PRC1: variants seen among roughly 807,000 people sequenced by gnomAD.
PRC1 encodes the protein protein regulator of cytokinesis 1, also known as anaphase spindle elongation 1 homolog.
In PRC1, 54 loss-of-function variants were observed where a neutral mutation model predicts 91.2. That is an observed-to-expected ratio of 0.59 (90% CI 0.48 to 0.74). PRC1 has a LOEUF of 0.74. Ranked by LOEUF, PRC1 falls within the 30% of genes least tolerant of loss-of-function variation. The pLI is 0.00. For missense variants in PRC1, 727 were observed against 746.2 expected (o/e 0.97, Z 0.30); for synonymous variants, 275 against 263.6 (o/e 1.04, Z -0.42).
chr15:90,988,568 C>G (rs17692742), intron 1 of PRC1: 17,319 of 152,264 alleles, frequency 0.11, 1,595 homozygotes, highest in East Asian at 0.47. Context: ...CTCTGGCCAG[C>G]TGAACTTCCC....
intron 1 of PRC1, among the ~76,000 whole-genome samples, chr15:90,992,622 C>T (rs74037603): frequency 2.6e-5 from 4 of 151,902 alleles, no homozygotes; most frequent in African/African-American, 9.7e-5. Flanking sequence ...TGCTTCAGAG[C>T]AATCATTATG....
At chr15:90,969,668 C>G (rs747841504) in intron 12 of PRC1, 45 bp from the exon 13 acceptor site, 2 of 1,531,288 alleles carry the variant, frequency 1.3e-6, no homozygotes, top group Non-Finnish European at 1.8e-6. Flanking sequence ...TTCTAATGAA[C>G]GTGCACACGC....
At chr15:90,970,282 T>C (rs1254476471) in intron 12 of PRC1, 122 bp downstream of exon 12, 4 of 734,498 alleles carry the variant, frequency 5.4e-6, no homozygotes, top group Non-Finnish European at 9.4e-6. Flanking sequence ...ATCTGTCAAC[T>C]CTCAGCATCT....
At position 90,984,210 on chromosome 15, in the gene PRC1, C is replaced by T; in HGVS notation, c.145-70G>A. ...AAAAACTCCCAACACCAATACCAAA[C>T]TCCTCAAATTTCTTTTTTCTTTTTC... On this transcript the variant is annotated intron_variant, in intron 2 of 14. Coordinates refer to ENST00000394249, the MANE Select transcript of PRC1 (RefSeq NM_003981.4). This position sits in a 1 kb window ranked among gnomAD's most constrained non-coding sequence, Gnocchi z 5.1. The T allele has an allele frequency of 6.4e-7, 1 of 1,555,818 alleles. No homozygotes were observed. Among genetic ancestry groups the T allele is most frequent in the South Asian group, 1.2e-5 (1 of 85,974 alleles).
chr15:90,985,590 G>A (rs912697726), intron 1 of PRC1, among the ~76,000 whole-genome samples: 2 of 146,098 alleles, frequency 1.4e-5, no homozygotes, highest in East Asian at 2.0e-4. Context: ...ACAGAGTCTC[G>A]CTCCGTTGCC....
rs752823537 is a variant in PRC1, at chr15:90,969,608, T to C, written c.1588A>G (p.Thr530Ala). ...CGGGGTGTTTTCTTCCCTGAACAGG[T>C]GGAAGCAGCGACTGGCTGCAGAGAA... ...PSGSKPVAAS[T>A]CSGKKTPRTG... Residue 530 changes from threonine to alanine, a missense_variant, in exon 13 of 15, where the codon ACC becomes GCC. Transcript: ENST00000394249. 1 of 1,599,048 alleles carries C rather than the reference T, an allele frequency of 6.3e-7. No individual in the cohort carries two copies. Among genetic ancestry groups the C allele is most frequent in the African/African-American group, 1.4e-5 (1 of 74,060 alleles).
intron 1 of PRC1, chr15:90,985,644 C>T (rs8037256): frequency 0.039 from 5,872 of 151,520 alleles, 378 homozygotes; most frequent in African/African-American, 0.13. Context: ...CTGCAACCTC[C>T]GCCTCCCAGG....
At chr15:90,992,975 C>T (rs569338728) in intron 1 of PRC1, among the ~76,000 whole-genome samples, 1 of 135,342 alleles carries the variant, frequency 7.4e-6, no homozygotes, top group South Asian at 2.5e-4. Flanking sequence ...ATAATTAATT[C>T]TGGCCAGAGT....
intron 14 of PRC1, chr15:90,968,396 G>C (rs2037729021): frequency 1.0e-5 from 10 of 985,596 alleles, no homozygotes; most frequent in Non-Finnish European, 9.6e-6. Context: ...AGGCAGGCTA[G>C]GGGTTTAACT....
chr15:90,968,571 A>T, intron 14 of PRC1: 1 of 990,802 alleles, frequency 1.0e-6, no homozygotes, highest in Non-Finnish European at 1.2e-6. Context: ...CCAGTGCTTC[A>T]TCTATGCTTC....
rs1052711418 is a variant in PRC1, at chr15:90,969,176, C to T, written c.1750-56G>A. On this transcript the variant is annotated intron_variant, in intron 13 of 14. Transcript: ENST00000394249. The stretch of plus-strand genomic sequence containing the variant: ...GAACTCCACCAAGAGAGCACCAGGA[C>T]AGTGATAGAGGGGTTGCCTCCTGCA... 5.1e-6 allele frequency: 8 copies of T among 1,553,788 alleles called. No individual in the cohort carries two copies. The African/African-American group carries it at 1.1e-4, about 21-fold the overall frequency.
chr15:90,966,906 A>C lies in PRC1; in HGVS notation c.*225T>G. On this transcript the variant is annotated 3_prime_UTR_variant, in exon 15 of 15. Transcript: ENST00000394249. The stretch of plus-strand genomic sequence containing the variant: ...TGCTAAAATTTGCACTTCTTGCCAT[A>C]AACTTTTCATGTATATAAGTCAAAA... 1.7e-6 allele frequency: 1 copy of C among 571,658 alleles called. No homozygotes were observed. Among genetic ancestry groups the C allele is most frequent in the South Asian group, 2.1e-5 (1 of 48,000 alleles). 35.4% of individuals were successfully genotyped at this position (571,658 alleles called of 1,614,324 possible).
At chr15:90,978,347 C>A (rs1428972764) in intron 8 of PRC1, among the ~76,000 whole-genome samples, 1 of 152,204 alleles carries the variant, frequency 6.6e-6, no homozygotes, top group Non-Finnish European at 1.5e-5. Flanking sequence ...CCAGCCTCAC[C>A]AGCAGGTGAC....
At chr15:90,986,703 T>G (rs902610392) in intron 1 of PRC1, among the ~76,000 whole-genome samples, 1 of 63,108 alleles carries the variant, frequency 1.6e-5, no homozygotes, top group Non-Finnish European at 2.6e-5. Context: ...ATTTTATTTA[T>G]TTATTTATTT....
rs1309090920 is a variant in PRC1 at position 90,974,546 on chromosome 15, C to T, written c.1350+39G>A. ...GACTATGGGCTGCTCAGATTACTTTCTTCGTCTTTTCCCAATTTGCGTTCA... is the reference window on the plus strand; with the variant it reads ...GACTATGGGCTGCTCAGATTACTTTTTTCGTCTTTTCCCAATTTGCGTTCA... On this transcript the variant is annotated intron_variant, in intron 10 of 14. Transcript: ENST00000394249. The surrounding 1 kb of genome is among the most constrained non-coding windows in gnomAD (Gnocchi z 4.6). 1 of 1,610,062 alleles carries T rather than the reference C, an allele frequency of 6.2e-7. No individual in the cohort carries two copies. The highest frequency in any genetic ancestry group is 1.1e-5 in the South Asian group (1 of 91,066).
Position 90,969,484 on chromosome 15 carries a change from C to T in PRC1, c.1712G>A (p.Ser571Asn). Reference sequence around the variant, plus strand: ...ATAGGTGCTGGCAACAGAATTAATGCTGAAGTTGCGCTGGAGGGGGGCCGA... The same window carrying T: ...ATAGGTGCTGGCAACAGAATTAATGTTGAAGTTGCGCTGGAGGGGGGCCGA... ...PGSAPLQRNF[S>N]INSVASTYSE... Residue 571 changes from serine (S) to asparagine (N), a missense_variant, in exon 13 of 15, where the codon AGC (serine) becomes AAC (asparagine). Coordinates refer to ENST00000394249, the MANE Select transcript of PRC1 (RefSeq NM_003981.4). 6.2e-7 allele frequency: 1 copy of T among 1,611,036 alleles called. No individual in the cohort carries two copies. Among genetic ancestry groups the T allele is most frequent in the Non-Finnish European group, 8.5e-7 (1 of 1,178,660 alleles).
chr15:90,975,988 A>G (rs1214280433), intron 9 of PRC1, among the ~76,000 whole-genome samples: 3 of 152,036 alleles, frequency 2.0e-5, no homozygotes, highest in Non-Finnish European at 4.4e-5. Context: ...GAAGAAACCA[A>G]CTCTGCCAAC....
chr15:90,986,368 C>G (rs1567202879), intron 1 of PRC1, among the ~76,000 whole-genome samples: 1 of 152,210 alleles, frequency 6.6e-6, no homozygotes, highest in Non-Finnish European at 1.5e-5. Context: ...GTGGCTCACA[C>G]CTGTAATTCC....
chr15:90,981,309 G>A (rs577308649), intron 5 of PRC1, 190 bp downstream of exon 5: 1 of 702,326 alleles, frequency 1.4e-6, no homozygotes, highest in South Asian at 2.3e-5. Flanking sequence ...TCATTTTCTT[G>A]GAGCCATATA....
Sources: allele counts gnomAD v4.1 joint callset (sites outside exome capture counted in the v4.1 genomes callset), GRCh38; gene constraint gnomAD v4.1.1; non-coding constraint Gnocchi (gnomAD v3.1); transcripts MANE v1.5; gene names NCBI Gene and HGNC (gene_info 2026-07-23, HGNC 2026-07-21).